Variants in ACAP2 observed in about 807,000 individuals in gnomAD.
ACAP2 encodes the protein ArfGAP with coiled-coil, ankyrin repeat and PH domains 2, also known as arf-GAP with coiled-coil, ANK repeat and PH domain-containing protein 2.
A neutral mutation model predicts 115.8 loss-of-function variants in ACAP2; 39 were observed. The observed-to-expected ratio is 0.34, with a 90% CI of 0.26 to 0.44. The LOEUF (loss-of-function observed/expected upper bound fraction) is 0.44, where lower values mean the gene tolerates loss of function less well. Ranked by LOEUF, ACAP2 falls within the 20% of genes least tolerant of loss-of-function variation. The probability of loss-of-function intolerance (pLI) is 1.00; values close to 1 mark genes in which losing one functional copy is unlikely to be tolerated. For synonymous variants in ACAP2, 289 were observed against 315.8 expected, an observed-to-expected ratio of 0.92 and a Z score of 0.90; for missense variants, 662 against 927.6, an observed-to-expected ratio of 0.71 and a Z score of 3.72.
intron 18 of ACAP2, 72 bp from the exon 19 acceptor site, chr3:195,292,524 A>AT: frequency 7.0e-7 from 1 of 1,431,976 alleles, no homozygotes; most frequent in Non-Finnish European, 9.4e-7. Context: ...TTTAATAGGT[A>AT]GAGTTTCAGT....
intron 1 of ACAP2, among the ~76,000 whole-genome samples, chr3:195,419,855 C>T (rs1042625282): frequency 1.3e-5 from 2 of 152,114 alleles, no homozygotes; most frequent in African/African-American, 4.8e-5. Context: ...CGGAGTCTGT[C>T]TTTGGATTTT....
chr3:195,396,793 GAAAAAAAA>G (rs62983860), intron 1 of ACAP2, among the ~76,000 whole-genome samples: 2 of 91,820 alleles, frequency 2.2e-5, no homozygotes, highest in African/African-American at 8.7e-5. Flanking sequence ...TCTCAAAAAA[GAAAAAAAA>G]AAAAAAAAAA....
At chr3:195,408,744 A>C (rs1258126222) in intron 1 of ACAP2, among the ~76,000 whole-genome samples, 2 of 152,204 alleles carry the variant, frequency 1.3e-5, no homozygotes, top group Non-Finnish European at 2.9e-5. Flanking sequence ...TAAAAGGATT[A>C]TACACCATGA....
chr3:195,442,564 G>A (rs962325943), intron 1 of ACAP2, among the ~76,000 whole-genome samples: 27 of 152,286 alleles, frequency 1.8e-4, no homozygotes, highest in African/African-American at 6.3e-4. Context: ...CCGGCAGAGG[G>A]CAAGGAAAGA....
At chr3:195,387,329 CAT>C (rs1734372196) in intron 2 of ACAP2, among the ~76,000 whole-genome samples, 1 of 152,190 alleles carries the variant, frequency 6.6e-6, no homozygotes, top group Non-Finnish European at 1.5e-5. Flanking sequence ...ATTACTATGT[CAT>C]AGACACTCTG....
intron 6 of ACAP2, among the ~76,000 whole-genome samples, chr3:195,338,295 T>C (rs1420088961): frequency 1.3e-5 from 2 of 152,152 alleles, no homozygotes; most frequent in African/African-American, 4.8e-5. Flanking sequence ...TTAACAGGTT[T>C]TGTTTTTAGA....
Position 195,279,075 on chromosome 3 carries a change from T to G in ACAP2, c.*253A>C, listed in dbSNP as rs1349528463. The G allele has an allele frequency of 6.6e-6, 2 of 301,404 alleles. No homozygotes were observed. Among genetic ancestry groups the G allele is most frequent in the African/African-American group, 4.4e-5 (2 of 45,392 alleles). 18.7% of individuals were successfully genotyped at this position (301,404 alleles called of 1,614,324 possible). A position where few individuals can be genotyped will look rare whatever the true frequency, so the allele number is the denominator to read the frequency against. On this transcript the variant is annotated 3_prime_UTR_variant, in exon 23 of 23. Coordinates refer to ENST00000326793, the MANE Select transcript of ACAP2 (RefSeq NM_012287.6). ...TTGTAACCTAGAGATGGCCTAAATCTAGACTGAACTTCTGTCTACAGAAAT... is the reference window on the plus strand; with the variant it reads ...TTGTAACCTAGAGATGGCCTAAATCGAGACTGAACTTCTGTCTACAGAAAT...
chr3:195,402,388 A>G (rs182586245), intron 1 of ACAP2, among the ~76,000 whole-genome samples: 121 of 152,270 alleles, frequency 7.9e-4, no homozygotes, highest in Middle Eastern at 6.8e-3. Flanking sequence ...ATACTATAAA[A>G]GTCTCCAGAA....
rs1172103887 is a variant in ACAP2, at chr3:195,302,067, G to A, written c.1224C>T (p.Ile408=). 9.9e-6 allele frequency: 16 copies of A among 1,614,040 alleles called. No homozygotes were observed. Among genetic ancestry groups the A allele is most frequent in the African/African-American group, 2.7e-5 (2 of 74,926 alleles). ...AGTCACAACAGCTGGCATTGCCAGG[G>A]ATACACTGGACCCGCTGAAGCGCAC... ...GESALQRVQC[I]PGNASCCDCG... The change falls in exon 14 of 23, where the codon ATC becomes ATT. Residue 408 remains isoleucine (I), a synonymous_variant. Transcript: ENST00000326793.
intron 10 of ACAP2, among the ~76,000 whole-genome samples, chr3:195,314,987 A>C (rs908795640): frequency 6.6e-6 from 1 of 152,198 alleles, no homozygotes; most frequent in African/African-American, 2.4e-5. Flanking sequence ...CCTAGAAAAT[A>C]CTTAAAGACT....
chr3:195,417,909 C>T (rs951328147), intron 1 of ACAP2, among the ~76,000 whole-genome samples: 2 of 151,924 alleles, frequency 1.3e-5, no homozygotes, highest in African/African-American at 2.4e-5. Flanking sequence ...CAATCACACC[C>T]CAGCCTGGGT....
At chr3:195,294,833 TA>T in intron 17 of ACAP2, 22 bp from the exon 18 acceptor site, 1 of 1,468,262 alleles carries the variant, frequency 6.8e-7, no homozygotes, top group Admixed American at 1.7e-5. Context: ...AAAAATTAAC[TA>T]ATGATTAAAG....
intron 3 of ACAP2, 41 bp from the exon 4 acceptor site, chr3:195,381,103 G>C (rs1424643282): frequency 7.2e-6 from 11 of 1,526,072 alleles, no homozygotes; most frequent in Admixed American, 4.0e-5. Context: ...TCATTTATGA[G>C]CCACTTAAAT....
intron 2 of ACAP2, among the ~76,000 whole-genome samples, chr3:195,387,724 A>G (rs9868768): frequency 0.3 from 46,101 of 152,012 alleles, 8,048 homozygotes; most frequent in East Asian, 0.82. Context: ...CCAAAGTGCT[A>G]GGATTACAGG....
At chr3:195,342,328 A>G in intron 6 of ACAP2, 143 bp downstream of exon 6, 1 of 748,034 alleles carries the variant, frequency 1.3e-6, no homozygotes, top group Non-Finnish European at 2.0e-6. Flanking sequence ...ATAGCTACAC[A>G]GATGGAAATT....
intron 20 of ACAP2, among the ~76,000 whole-genome samples, chr3:195,289,971 G>A (rs1472639237): frequency 1.3e-5 from 2 of 152,074 alleles, no homozygotes; most frequent in African/African-American, 2.4e-5. Flanking sequence ...TCTGCTTGCT[G>A]TACTTGCAAA....
At chr3:195,349,091 A>G (rs1323475636) in intron 4 of ACAP2, among the ~76,000 whole-genome samples, 9 of 152,198 alleles carry the variant, frequency 5.9e-5, no homozygotes, top group African/African-American at 1.2e-4. Context: ...GCTAAAATTA[A>G]TAAGTGAGTT....
chr3:195,418,546 T>C (rs747395716), intron 1 of ACAP2, among the ~76,000 whole-genome samples: 3 of 152,126 alleles, frequency 2.0e-5, no homozygotes, highest in Non-Finnish European at 2.9e-5. Context: ...AACCTCATGC[T>C]TCAGCCTCTC....
intron 6 of ACAP2, among the ~76,000 whole-genome samples, chr3:195,340,941 A>G (rs567727756): frequency 6.6e-6 from 1 of 151,466 alleles, no homozygotes; most frequent in Admixed American, 6.5e-5. Context: ...AAAAAAACTT[A>G]AAGTTAATTT....
Sources: allele counts gnomAD v4.1 joint callset (sites outside exome capture counted in the v4.1 genomes callset), GRCh38; gene constraint gnomAD v4.1.1; transcripts MANE v1.5; gene names NCBI Gene and HGNC (gene_info 2026-07-23, HGNC 2026-07-21).